Variants in ZFR observed in about 807,000 individuals in gnomAD.
ZFR encodes zinc finger RNA binding protein, also known as zinc finger RNA-binding protein.
In ZFR, 19 loss-of-function variants were observed where a neutral mutation model predicts 130.7. That is an observed-to-expected ratio of 0.15 (90% CI 0.10 to 0.21). ZFR has a LOEUF of 0.21. Among genes scored for constraint, ZFR ranks in the 10% least tolerant of loss-of-function variants. ZFR has a pLI of 1.00. For missense variants in ZFR, 872 were observed against 1,321.5 expected, an observed-to-expected ratio of 0.66 and a Z score of 5.27; for synonymous variants, 466 against 456.9, an observed-to-expected ratio of 1.02 and a Z score of -0.25.
At chr5:32,363,663 T>C (rs1311580662) in intron 19 of ZFR, among the ~76,000 whole-genome samples, 1 of 152,196 alleles carries the variant, frequency 6.6e-6, no homozygotes, top group Non-Finnish European at 1.5e-5. Context: ...ATACATAACC[T>C]ATTACCCAGA....
At chr5:32,356,099 A>ATC (rs1454820014) in intron 19 of ZFR, among the ~76,000 whole-genome samples, 160 bp from the exon 20 acceptor site, 3 of 152,202 alleles carry the variant, frequency 2.0e-5, no homozygotes, top group Non-Finnish European at 2.9e-5. Flanking sequence ...GTATGTTCTC[A>ATC]TGTTTTTATT....
chr5:32,394,555 G>C (rs1272634198), intron 11 of ZFR: 1 of 155,918 alleles, frequency 6.4e-6, no homozygotes, highest in African/African-American at 2.4e-5. Context: ...CTGGGGCTGG[G>C]GGAGATACTA....
In ZFR at chr5:32,388,504, T is replaced by C. The variant is rs1003061638; in HGVS notation, c.2313A>G (p.Lys771=). The C allele has an allele frequency of 1.9e-6, 3 of 1,614,040 alleles. No individual in the cohort carries two copies. The African/African-American group carries it at 4.0e-5, about 22-fold the overall frequency. ...CTCCCTCTTTCTTATCATCTCCCTC[T>C]TTGTTCTTGTTCTTCTCATGTTCAG... is the stretch of plus-strand genomic sequence containing the variant. The part of the protein sequence containing the change: ...SLSEHEKNKN[K]EGDDKKEGGK... Residue 771 remains lysine (K), a synonymous_variant, in exon 13 of 20, where the codon AAA becomes AAG. Coordinates refer to ENST00000265069, the MANE Select transcript of ZFR (RefSeq NM_016107.5).
chr5:32,442,443 G>A (rs1287626748), intron 2 of ZFR, among the ~76,000 whole-genome samples: 1 of 152,120 alleles, frequency 6.6e-6, no homozygotes, highest in Non-Finnish European at 1.5e-5. Context: ...TTTTTTAAAA[G>A]TCCTAAAAAG....
chr5:32,412,557 T>C (rs999711565), intron 5 of ZFR, among the ~76,000 whole-genome samples: 5 of 152,206 alleles, frequency 3.3e-5, no homozygotes, highest in African/African-American at 1.2e-4. Flanking sequence ...AGCCCAGCCA[T>C]TAAATACATT....
At chr5:32,430,164 A>C (rs1455235243) in intron 2 of ZFR, among the ~76,000 whole-genome samples, 1 of 152,072 alleles carries the variant, frequency 6.6e-6, no homozygotes, top group East Asian at 1.9e-4. Context: ...TAAAAGAAAA[A>C]AATTTTTTTG....
At chr5:32,384,206 A>T (rs1223617705) in intron 15 of ZFR, among the ~76,000 whole-genome samples, 1 of 152,122 alleles carries the variant, frequency 6.6e-6, no homozygotes, top group Non-Finnish European at 1.5e-5. Context: ...GTATCATATT[A>T]GTTTTATCAA....
At chr5:32,388,381 G>A in intron 13 of ZFR, 88 bp downstream of exon 13, 1 of 1,246,314 alleles carries the variant, frequency 8.0e-7, no homozygotes, top group Non-Finnish European at 1.1e-6. Flanking sequence ...TCACACCAGA[G>A]TTACCAGTCA....
At chr5:32,423,083 C>T (rs10070177) in intron 2 of ZFR, among the ~76,000 whole-genome samples, 32,057 of 151,918 alleles carry the variant, frequency 0.21, 4,021 homozygotes, top group African/African-American at 0.36. Context: ...CACGGAATAC[C>T]TGTAATCCCA....
chr5:32,379,547 G>A (rs971034331), intron 16 of ZFR: 9 of 270,366 alleles, frequency 3.3e-5, no homozygotes, highest in Non-Finnish European at 7.1e-6. Context: ...GAGCTAAAAA[G>A]TTTGTCTAGG....
At chr5:32,418,184 CG>C (rs1336703488) in intron 3 of ZFR, among the ~76,000 whole-genome samples, 4 of 151,538 alleles carry the variant, frequency 2.6e-5, no homozygotes, top group Non-Finnish European at 5.9e-5. Flanking sequence ...GGCATGAACC[CG>C]GGAGGCGGAG....
At chr5:32,395,842 T>C (rs1364426954) in intron 10 of ZFR, among the ~76,000 whole-genome samples, 1 of 152,242 alleles carries the variant, frequency 6.6e-6, no homozygotes, top group Non-Finnish European at 1.5e-5. Context: ...ACAGTATATA[T>C]GAGATACATG....
At chr5:32,397,457 A>ATT in intron 9 of ZFR, 119 bp from the exon 10 acceptor site, 19 of 1,210,278 alleles carry the variant, frequency 1.6e-5, no homozygotes, top group African/African-American at 1.6e-5. Flanking sequence ...TGTCTATTAC[A>ATT]TTTTTTTTTT....
At chr5:32,372,242 C>T (rs966798623) in intron 17 of ZFR, among the ~76,000 whole-genome samples, 48 of 152,316 alleles carry the variant, frequency 3.2e-4, no homozygotes, top group African/African-American at 9.6e-4. Flanking sequence ...ATTTGCATGA[C>T]ATCTTTGTAC....
intron 19 of ZFR, among the ~76,000 whole-genome samples, chr5:32,359,097 T>C (rs1032632839): frequency 2.0e-5 from 3 of 151,718 alleles, no homozygotes; most frequent in Admixed American, 1.3e-4. Flanking sequence ...TAAGGCAGGA[T>C]TGTGTGAGAC....
At position 32,360,530 on chromosome 5, in the gene ZFR, T is replaced by C. The variant is rs529140055; in HGVS notation, c.3045+3418A>G. Reference sequence around the variant, plus strand: ...TCTTTTAATGTCTGGCTGAATAATATTCTAACGTATGACTGTATTTGTTTA... The same window carrying C: ...TCTTTTAATGTCTGGCTGAATAATACTCTAACGTATGACTGTATTTGTTTA... On this transcript the variant is annotated intron_variant, in intron 19 of 19. Coordinates refer to ENST00000265069, the MANE Select transcript of ZFR (RefSeq NM_016107.5). Among the ~76,000 whole-genome samples the C allele has an allele frequency of 2.0e-5, 3 of 152,354 alleles. No homozygotes were observed. The South Asian group carries it at 6.2e-4, about 32-fold the overall frequency.
chr5:32,428,440 G>A (rs1471539911), intron 2 of ZFR, among the ~76,000 whole-genome samples: 1 of 152,080 alleles, frequency 6.6e-6, no homozygotes, highest in African/African-American at 2.4e-5. Flanking sequence ...CTAGCCTGTA[G>A]GTACATGCCT....
Position 32,364,278 on chromosome 5 carries a change from A to T in ZFR, c.2836-3T>A. On this transcript the variant is annotated splice_polypyrimidine_tract_variant and splice_region_variant and intron_variant, in intron 17 of 19. Coordinates refer to ENST00000265069, the MANE Select transcript of ZFR (RefSeq NM_016107.5). ...TTCTCTACTAGTAACTCCATAGCCT[A>T]AAAATACAACATAAAAATGTGTTTA... The T allele has an allele frequency of 6.3e-7, 1 of 1,577,370 alleles. No homozygotes were observed. The highest frequency in any genetic ancestry group is 1.2e-5 in the South Asian group (1 of 85,640).
At chr5:32,414,721 C>T (rs965694080) in intron 5 of ZFR, among the ~76,000 whole-genome samples, 3 of 152,118 alleles carry the variant, frequency 2.0e-5, no homozygotes, top group African/African-American at 7.2e-5. Context: ...CAATGCTAAG[C>T]CCAAGACTCA....
Sources: allele counts gnomAD v4.1 joint callset (sites outside exome capture counted in the v4.1 genomes callset), GRCh38; gene constraint gnomAD v4.1.1; transcripts MANE v1.5; gene names NCBI Gene and HGNC (gene_info 2026-07-23, HGNC 2026-07-21).